MAPK4: variants seen among roughly 807,000 people sequenced by gnomAD.
MAPK4 encodes mitogen-activated protein kinase 4, also known as Erk3-related.
MAPK4 carries 22 observed loss-of-function variants against 47.7 expected under a neutral mutation model. The ratio of observed to expected loss-of-function variants is 0.46; its 90% CI spans 0.33 to 0.66. The LOEUF is 0.66. Among genes scored for constraint, MAPK4 ranks in the 30% least tolerant of loss-of-function variants. The probability of loss-of-function intolerance (pLI) is 0.02; values close to 1 mark genes in which losing one functional copy is unlikely to be tolerated. For synonymous variants in MAPK4, 390 were observed against 365.7 expected (o/e 1.07, Z -0.76); for missense variants, 736 against 831.7 (o/e 0.88, Z 1.42).
chr18:50,620,179 C>G (rs2042719247), intron 1 of MAPK4, among the ~76,000 whole-genome samples: 1 of 152,228 alleles, frequency 6.6e-6, no homozygotes, highest in Non-Finnish European at 1.5e-5. Context: ...TGTGACTGAT[C>G]CTTTCTCCCT....
At chr18:50,640,122 A>G (rs2042925736) in intron 1 of MAPK4, among the ~76,000 whole-genome samples, 1 of 152,248 alleles carries the variant, frequency 6.6e-6, no homozygotes, top group Non-Finnish European at 1.5e-5. Flanking sequence ...CGTGATCTTT[A>G]TATAGACAGA....
At chr18:50,613,089 T>A (rs1184671519) in intron 1 of MAPK4, among the ~76,000 whole-genome samples, 1 of 152,178 alleles carries the variant, frequency 6.6e-6, no homozygotes, top group African/African-American at 2.4e-5. Flanking sequence ...TAAGGTGACT[T>A]GCAATGAATA....
In MAPK4 at chr18:50,663,434, T is replaced by C. The variant is rs1907394042; in HGVS notation, c.-525T>C. ...ATTCATTGATGGGATCCCTGCATAC[T>C]GCTTGGAACACAGAAAGAGGCTGTG... is the stretch of plus-strand genomic sequence containing the variant. On this transcript the variant is annotated 5_prime_UTR_variant, in exon 2 of 6. Coordinates refer to ENST00000400384, the MANE Select transcript of MAPK4 (RefSeq NM_002747.4). The C allele has an allele frequency of 6.6e-6, 1 of 152,458 alleles. No individual in the cohort carries two copies. The highest frequency in any genetic ancestry group is 2.1e-4 in the South Asian group (1 of 4,838). The allele number at this position is 152,458 out of a possible 1,614,324, so 9.4% of individuals were successfully genotyped here. A position where few individuals can be genotyped will look rare whatever the true frequency, so the allele number is the denominator to read the frequency against.
At chr18:50,575,146 G>T (rs1331199595) in intron 1 of MAPK4, among the ~76,000 whole-genome samples, 1 of 152,170 alleles carries the variant, frequency 6.6e-6, no homozygotes, top group African/African-American at 2.4e-5. Flanking sequence ...GTGACTTAAT[G>T]GAAGAAGTTT....
chr18:50,629,637 T>TG (rs1421378226), intron 1 of MAPK4: 1 of 152,196 alleles, frequency 6.6e-6, no homozygotes, highest in Non-Finnish European at 1.5e-5. Context: ...TTGAGCTTCG[T>TG]GGGGCACTGT....
At chr18:50,667,800 T>G (rs1448490771) in intron 2 of MAPK4, among the ~76,000 whole-genome samples, 2 of 152,206 alleles carry the variant, frequency 1.3e-5, no homozygotes, top group African/African-American at 2.4e-5. Flanking sequence ...ACCTTGGGGA[T>G]TTCTCCCCAC....
chr18:50,657,843 C>A (rs1048264928), intron 1 of MAPK4, among the ~76,000 whole-genome samples: 14 of 152,094 alleles, frequency 9.2e-5, no homozygotes, highest in Non-Finnish European at 1.3e-4. Flanking sequence ...CTGGTTTAGA[C>A]CCACTGGGAG....
At chr18:50,586,187 A>T (rs1598798986) in intron 1 of MAPK4, among the ~76,000 whole-genome samples, 1 of 152,326 alleles carries the variant, frequency 6.6e-6, no homozygotes, top group East Asian at 1.9e-4. Context: ...TTAATTTATG[A>T]CTTTCTATGT....
chr18:50,724,684 G>A (rs3794901), intron 4 of MAPK4, among the ~76,000 whole-genome samples: 23,791 of 152,224 alleles, frequency 0.16, 2,021 homozygotes, highest in South Asian at 0.21. Context: ...CGTCCTCCTG[G>A]GAGGCCAGTG....
intron 1 of MAPK4, among the ~76,000 whole-genome samples, chr18:50,657,879 T>C (rs1293445097): frequency 7.2e-5 from 11 of 152,124 alleles, no homozygotes; most frequent in Non-Finnish European, 1.5e-4. Flanking sequence ...CTCAGCTGCC[T>C]GATGGCCGAA....
chr18:50,584,567 A>G (rs1266142164), intron 1 of MAPK4, among the ~76,000 whole-genome samples: 1 of 152,246 alleles, frequency 6.6e-6, no homozygotes, highest in Non-Finnish European at 1.5e-5. Context: ...CCCTAGCTAT[A>G]GACTGTGTCC....
At chr18:50,698,673 C>T (rs1041381969) in intron 2 of MAPK4, among the ~76,000 whole-genome samples, 2 of 152,126 alleles carry the variant, frequency 1.3e-5, no homozygotes, top group African/African-American at 2.4e-5. Context: ...AGGAAAATTG[C>T]GGGCCAGTCT....
rs146356223 is a variant in MAPK4 at position 50,632,200 on chromosome 18, G to A, written c.-870-30889G>A. On this transcript the variant is annotated intron_variant, in intron 1 of 5. Transcript: ENST00000400384. ...CTTGGGTTAGGTCCCCTGGGGCGGC[G>A]GCCTCCTCTTTGCTGGCAAAAGCCA... Among the ~76,000 whole-genome samples the A allele has an allele frequency of 3.3e-3, 500 of 152,192 alleles. 1 individual carries two copies. Among genetic ancestry groups the A allele is most frequent in the Middle Eastern group, 0.01 (3 of 294 alleles).
In MAPK4 at chr18:50,729,300, A is replaced by C; in HGVS notation, c.1210A>C (p.Ser404Arg). 6.2e-7 allele frequency: 1 copy of C among 1,607,520 alleles called. No homozygotes were observed. ...QVDPRKDSHS[S>R]SERFLEQSHS... is the part of the protein sequence containing the mutation. ...GGACCCGCGCAAGGACTCGCACAGC[A>C]GCTCCGAGCGCTTCCTAGAGCAGTC... Residue 404 changes from serine (S) to arginine (R), a missense_variant, in exon 6 of 6, where the codon AGC (serine) becomes CGC (arginine). Physicochemically the swap from Ser to Arg is moderately radical, Grantham distance 110. This residue lies in a region of MAPK4 where 377 missense variants were observed against 378.6 expected (regional missense o/e 1.00). Transcript: ENST00000400384.
intron 1 of MAPK4, among the ~76,000 whole-genome samples, chr18:50,637,928 C>T (rs938173100): frequency 6.6e-5 from 10 of 152,182 alleles, no homozygotes; most frequent in African/African-American, 2.2e-4. Context: ...CTTTAAAGAC[C>T]CTGTCTCCAA....
chr18:50,601,333 CAAAAAA>C (rs35148592), intron 1 of MAPK4, among the ~76,000 whole-genome samples: 1 of 53,192 alleles, frequency 1.9e-5, no homozygotes. Flanking sequence ...GACTCTATGT[CAAAAAA>C]AAAAAAAAAA....
At position 50,722,059 on chromosome 18, in the gene MAPK4, G is replaced by A. The variant is rs902131108; in HGVS notation, c.813G>A (p.Lys271=). 10 of 1,613,612 alleles carry A rather than the reference G, an allele frequency of 6.2e-6. No homozygotes were observed. Among genetic ancestry groups the A allele is most frequent in the Middle Eastern group, 1.7e-4 (1 of 6,058 alleles). ...TTGTCAGCAGCACCTGGGAGGTGAA[G>A]AGGCCTCTGCGCAAGCTGCTCCCTG... is the stretch of plus-strand genomic sequence containing the variant. ...PSFVSSTWEV[K]RPLRKLLPEV... Residue 271 remains lysine, a synonymous_variant, in exon 4 of 6, where the codon AAG becomes AAA. Coordinates refer to ENST00000400384, the MANE Select transcript of MAPK4 (RefSeq NM_002747.4).
intron 1 of MAPK4, among the ~76,000 whole-genome samples, chr18:50,612,997 T>C (rs1054292730): frequency 5.9e-5 from 9 of 152,198 alleles, no homozygotes; most frequent in Non-Finnish European, 1.0e-4. Context: ...CTTGCTTCTC[T>C]AGGTGAAGCA....
At chr18:50,716,946 C>T (rs1443377986) in intron 3 of MAPK4, among the ~76,000 whole-genome samples, 2 of 152,166 alleles carry the variant, frequency 1.3e-5, no homozygotes, top group East Asian at 1.9e-4. Context: ...TCCTCTGTGG[C>T]CTACCAGATG....
Sources: allele counts gnomAD v4.1 joint callset (sites outside exome capture counted in the v4.1 genomes callset), GRCh38; gene constraint gnomAD v4.1.1; regional missense constraint gnomAD v4.1.1; transcripts MANE v1.5; gene names NCBI Gene and HGNC (gene_info 2026-07-23, HGNC 2026-07-21).